CLASP1: variants seen among roughly 807,000 people sequenced by gnomAD.
The protein encoded by CLASP1 is CLIP-associating protein 1.
CLASP1 carries 38 observed loss-of-function variants against 192.3 expected under a neutral mutation model. That is an observed-to-expected ratio of 0.20 (90% CI 0.15 to 0.26). CLASP1 has a LOEUF of 0.26. Ranked by LOEUF, CLASP1 falls within the 10% of genes least tolerant of loss-of-function variation. The pLI, the probability that CLASP1 is intolerant of heterozygous loss-of-function variation, is 1.00. For missense variants in CLASP1, 1,433 were observed against 1,932.5 expected, an observed-to-expected ratio of 0.74 and a Z score of 4.85; for synonymous variants, 691 against 712.8, an observed-to-expected ratio of 0.97 and a Z score of 0.49.
chr2:121,482,423 C>T (rs1271964942), intron 8 of CLASP1, among the ~76,000 whole-genome samples: 1 of 152,082 alleles, frequency 6.6e-6, no homozygotes, highest in Admixed American at 6.5e-5. Context: ...TTAAGTTAAC[C>T]CTGTTAATAC....
intron 34 of CLASP1, 63 bp downstream of exon 35, chr2:121,377,436 C>A: frequency 8.5e-7 from 1 of 1,174,550 alleles, no homozygotes; most frequent in South Asian, 1.4e-5. Context: ...GGTCAGTGTT[C>A]AGAAGTCTCA....
intron 1 of CLASP1, among the ~76,000 whole-genome samples, chr2:121,638,470 T>C (rs1290636454): frequency 6.6e-6 from 1 of 151,822 alleles, no homozygotes; most frequent in Non-Finnish European, 1.5e-5. Context: ...ACAATTCCAC[T>C]CCAAGGTATA....
chr2:121,407,375 G>T (rs1190605735), intron 25 of CLASP1, 96 bp downstream of exon 26: 3 of 1,380,834 alleles, frequency 2.2e-6, no homozygotes, highest in East Asian at 2.4e-5. Context: ...TTAATTATAG[G>T]AATTAGACTC....
rs545028455 is a variant in CLASP1, at chr2:121,419,797, T to C, written c.2213-1068A>G. On this transcript the variant is annotated intron_variant, in intron 22 of 39. Coordinates refer to ENST00000263710, the Ensembl canonical transcript of CLASP1. ...TAGGTGGAATGCCTAATGTAATAGC[T>C]GATGGGGACAATATACGTTTCCATC... Among the ~76,000 whole-genome samples the C allele has an allele frequency of 4.6e-5, 7 of 152,286 alleles. No homozygotes were observed. In the East Asian group the frequency reaches 1.4e-3, roughly 29 times the overall value.
chr2:121,569,001 G>A (rs1559636744), intron 2 of CLASP1, among the ~76,000 whole-genome samples: 1 of 152,118 alleles, frequency 6.6e-6, no homozygotes, highest in Non-Finnish European at 1.5e-5. Flanking sequence ...GGAAAGCCAT[G>A]TGCCTTCCGG....
At chr2:121,645,042 G>C (rs1432681557) in intron 1 of CLASP1, among the ~76,000 whole-genome samples, 1 of 151,300 alleles carries the variant, frequency 6.6e-6, no homozygotes, top group Non-Finnish European at 1.5e-5. Context: ...TAACCATTTA[G>C]GGCTGTTTGC....
Position 121,486,563 on chromosome 2 carries a change from C to A in CLASP1, c.713-16603G>T, listed in dbSNP as rs1313693866. 3.3e-5 allele frequency among the ~76,000 whole-genome samples: 5 copies of A among 152,234 alleles called. No individual in the cohort carries two copies. The East Asian group carries it at 9.6e-4, about 29-fold the overall frequency. On this transcript the variant is annotated intron_variant, in intron 8 of 39. Coordinates refer to ENST00000263710, the Ensembl canonical transcript of CLASP1. ...AAATCCCACAGATATCAGATCTACA[C>A]CCTGTGCTCTTTTGGAAATGTCATT...
At chr2:121,613,135 T>C (rs998766683) in intron 1 of CLASP1, among the ~76,000 whole-genome samples, 1 of 152,228 alleles carries the variant, frequency 6.6e-6, no homozygotes, top group Non-Finnish European at 1.5e-5. Context: ...TAAATGTCAC[T>C]GTATCAGTCA....
chr2:121,398,294 T>G, intron 29 of CLASP1, 28 bp downstream of exon 30: 1 of 1,517,544 alleles, frequency 6.6e-7, no homozygotes, highest in Non-Finnish European at 9.0e-7. Context: ...GTTCCAGGGT[T>G]GAATTGTAAT....
rs1470953634 is a variant in CLASP1 at position 121,341,019 on chromosome 2, C to A, written c.4531-72G>T. 1.1e-5 allele frequency: 11 copies of A among 995,076 alleles called. No individual in the cohort carries two copies. In the Admixed American group the frequency reaches 1.2e-4, roughly 11 times the overall value. The allele number at this position is 995,076 out of a possible 1,614,324, so 61.6% of individuals were successfully genotyped here. On this transcript the variant is annotated intron_variant, in intron 39 of 39. Coordinates refer to ENST00000263710, the Ensembl canonical transcript of CLASP1. ...GAAAGTAGAAAACAGCAAAAAGAAT[C>A]CCAGGTGACAGTAAGGAAACAGCAA...
chr2:121,498,686 C>T (rs2093629082), intron 8 of CLASP1, among the ~76,000 whole-genome samples: 2 of 152,086 alleles, frequency 1.3e-5, no homozygotes, highest in African/African-American at 4.8e-5. Context: ...TGGTATGTAG[C>T]ACATCTAAAG....
chr2:121,387,663 G>T, intron 31 of CLASP1, 100 bp downstream of exon 32: 1 of 1,189,128 alleles, frequency 8.4e-7, no homozygotes, highest in Non-Finnish European at 1.2e-6. Context: ...TCCTGAAAGA[G>T]GACAAGGAAA....
At chr2:121,427,626 T>C (rs974120117) in intron 20 of CLASP1, among the ~76,000 whole-genome samples, 196 bp from the exon 21 acceptor site, 15 of 152,236 alleles carry the variant, frequency 9.9e-5, no homozygotes, top group Admixed American at 7.9e-4. Context: ...TTAGCATTTA[T>C]TTCAGATCTG....
chr2:121,410,011 T>C (rs923226252), intron 24 of CLASP1, among the ~76,000 whole-genome samples: 2 of 152,194 alleles, frequency 1.3e-5, no homozygotes, highest in Non-Finnish European at 2.9e-5. Context: ...AGCCATAAAC[T>C]ATAAAATGTT....
rs139675704 is a variant in CLASP1, at chr2:121,395,779, A to G, written c.3123+1361T>C. On this transcript the variant is annotated intron_variant, in intron 30 of 39. Transcript: ENST00000263710. ...CCAGGGTAACAGGGCCCTAACCACT[A>G]AAGTGGGTTTAGAGGAAGCACAAAC... Among the ~76,000 whole-genome samples the G allele has an allele frequency of 2.1e-3, 323 of 152,260 alleles. 1 individual carries two copies. Among genetic ancestry groups the G allele is most frequent in the African/African-American group, 7.5e-3 (310 of 41,558 alleles).
chr2:121,397,067 A>C (rs1232420512), intron 30 of CLASP1, 73 bp downstream of exon 31: 1 of 1,523,474 alleles, frequency 6.6e-7, no homozygotes, highest in Non-Finnish European at 9.1e-7. Flanking sequence ...ACGGTTTTCA[A>C]GTTTCTAAAT....
At chr2:121,405,063 C>T (rs1201217186) in intron 25 of CLASP1, among the ~76,000 whole-genome samples, 1 of 152,180 alleles carries the variant, frequency 6.6e-6, no homozygotes, top group East Asian at 1.9e-4. Context: ...AATCCCAGCA[C>T]TTTGGGAGGC....
At chr2:121,504,860 G>A (rs1043411580) in intron 7 of CLASP1, 7 of 152,162 alleles carry the variant, frequency 4.6e-5, no homozygotes, top group African/African-American at 1.4e-4. Flanking sequence ...CTACCCATTC[G>A]TTAAAGCTGG....
chr2:121,515,889 C>A (rs2094277458), intron 6 of CLASP1, 127 bp from the exon 7 acceptor site: 3 of 698,456 alleles, frequency 4.3e-6, no homozygotes, highest in Non-Finnish European at 7.6e-6. Context: ...GAATACAATC[C>A]TTATATACAT....
Sources: gnomAD v4.1 joint callset for allele counts (sites outside exome capture counted in the v4.1 genomes callset) on GRCh38, gnomAD v4.1.1 for gene constraint, MANE v1.5 for transcripts, NCBI Gene and HGNC (gene_info 2026-07-23, HGNC 2026-07-21) for gene names.